LRRC4C: variants seen among roughly 807,000 people sequenced by gnomAD.
LRRC4C encodes leucine-rich repeat-containing protein 4C.
Under a neutral mutation model 33.6 loss-of-function variants are expected in LRRC4C, and 5 were observed. The ratio of observed to expected loss-of-function variants is 0.15; its 90% CI spans 0.08 to 0.31. The LOEUF (loss-of-function observed/expected upper bound fraction) is 0.31, where lower values mean the gene tolerates loss of function less well. LRRC4C is among the 10% of genes least tolerant of loss of function. The probability of loss-of-function intolerance (pLI) is 1.00; values close to 1 mark genes in which losing one functional copy is unlikely to be tolerated. For synonymous variants in LRRC4C, 329 were observed against 302.0 expected (o/e 1.09, Z -0.93); for missense variants, 560 against 796.7 (o/e 0.70, Z 3.58).
intron 5 of LRRC4C, among the ~76,000 whole-genome samples, chr11:40,191,471 C>A (rs571526611): frequency 5.0e-4 from 76 of 152,276 alleles, no homozygotes; most frequent in African/African-American, 1.8e-3. Flanking sequence ...ATGATTGTGG[C>A]AATTCCCATT....
At chr11:41,408,760 A>AAAAACAAAC (rs1555167149) in intron 1 of LRRC4C, among the ~76,000 whole-genome samples, 2 of 151,256 alleles carry the variant, frequency 1.3e-5, no homozygotes, top group African/African-American at 4.9e-5. Context: ...AAAAAAAAAA[A>AAAAACAAAC]AAAAAAACTG....
At chr11:41,112,935 T>C (rs1427821635) in intron 1 of LRRC4C, among the ~76,000 whole-genome samples, 2 of 152,086 alleles carry the variant, frequency 1.3e-5, no homozygotes, top group Non-Finnish European at 2.9e-5. Context: ...AATTTGTGTG[T>C]ATGACTGTGC....
chr11:40,222,302 C>T (rs1044291250), intron 5 of LRRC4C, among the ~76,000 whole-genome samples: 1 of 152,222 alleles, frequency 6.6e-6, no homozygotes, highest in East Asian at 1.9e-4. Flanking sequence ...CTGTTTTGAG[C>T]CCCCATGTAT....
intron 1 of LRRC4C, among the ~76,000 whole-genome samples, chr11:40,950,618 A>G (rs969834707): frequency 6.6e-6 from 1 of 152,068 alleles, no homozygotes; most frequent in African/African-American, 2.4e-5. Flanking sequence ...GCTATAAATT[A>G]TTTATTTCTA....
At chr11:40,547,983 AC>A (rs1413964066) in intron 3 of LRRC4C, among the ~76,000 whole-genome samples, 2 of 152,120 alleles carry the variant, frequency 1.3e-5, no homozygotes, top group Non-Finnish European at 2.9e-5. Context: ...CTTTTAATCT[AC>A]CAGAATGAGT....
intron 1 of LRRC4C, among the ~76,000 whole-genome samples, chr11:41,198,148 T>C (rs1158279274): frequency 6.6e-6 from 1 of 152,046 alleles, no homozygotes; most frequent in African/African-American, 2.4e-5. Flanking sequence ...ATTTTTGCTA[T>C]GGATAAATCT....
chr11:41,025,080 T>C (rs1484485900), intron 1 of LRRC4C, among the ~76,000 whole-genome samples: 1 of 151,612 alleles, frequency 6.6e-6, no homozygotes, highest in African/African-American at 2.4e-5. Context: ...TGTTCCCTTG[T>C]CTTTCTCCCT....
intron 2 of LRRC4C, among the ~76,000 whole-genome samples, chr11:40,685,678 A>T (rs1944917263): frequency 6.6e-6 from 1 of 152,174 alleles, no homozygotes; most frequent in African/African-American, 2.4e-5. Context: ...ATGAGGATAT[A>T]GGCTGAGATA....
At chr11:41,234,100 A>G (rs1947919391) in intron 1 of LRRC4C, among the ~76,000 whole-genome samples, 1 of 152,010 alleles carries the variant, frequency 6.6e-6, no homozygotes, top group African/African-American at 2.4e-5. Context: ...TCATTAATAT[A>G]TCTTAGGGCT....
At position 40,544,066 on chromosome 11, in the gene LRRC4C, C is replaced by T. The variant is rs1956824710; in HGVS notation, c.-270+104076G>A. Among the ~76,000 whole-genome samples, 7 of 152,000 alleles carry T rather than the reference C, an allele frequency of 4.6e-5. No homozygotes were observed. The South Asian group carries it at 1.5e-3, about 32-fold the overall frequency. On this transcript the variant is annotated intron_variant, in intron 3 of 6. Transcript: ENST00000528697. ...CTCAAGTTTATGCCTTTTCCTTAAGCAAACTTTGCCATACTATCTTTCCTA... is the reference window on the plus strand; with the variant it reads ...CTCAAGTTTATGCCTTTTCCTTAAGTAAACTTTGCCATACTATCTTTCCTA...
chr11:41,014,781 C>G (rs927548984), intron 1 of LRRC4C, among the ~76,000 whole-genome samples: 3 of 152,042 alleles, frequency 2.0e-5, no homozygotes, highest in African/African-American at 7.2e-5. Flanking sequence ...GGATCAGTCT[C>G]CTCGGTGGGA....
chr11:40,193,158 G>A (rs1861986813), intron 5 of LRRC4C, among the ~76,000 whole-genome samples: 1 of 152,174 alleles, frequency 6.6e-6, no homozygotes, highest in African/African-American at 2.4e-5. Context: ...CTCCTGATGG[G>A]GAGACACCTC....
At chr11:40,382,593 G>C (rs542384673) in intron 3 of LRRC4C, among the ~76,000 whole-genome samples, 2 of 150,890 alleles carry the variant, frequency 1.3e-5, no homozygotes, top group Non-Finnish European at 2.9e-5. Context: ...TTTAAAGTAC[G>C]CAAGTATTAA....
intron 3 of LRRC4C, among the ~76,000 whole-genome samples, chr11:40,629,764 C>T (rs1849447203): frequency 1.3e-5 from 2 of 152,132 alleles, no homozygotes; most frequent in Admixed American, 1.3e-4. Context: ...CTGCTCACAG[C>T]ATTTTAAATG....
At chr11:41,082,423 C>A in intron 1 of LRRC4C, among the ~76,000 whole-genome samples, 1 of 135,526 alleles carries the variant, frequency 7.4e-6, no homozygotes. Context: ...ACTCAAATCT[C>A]ACGCTTTTTT....
intron 2 of LRRC4C, among the ~76,000 whole-genome samples, chr11:40,767,958 A>G (rs1249774869): frequency 6.6e-6 from 1 of 151,740 alleles, no homozygotes; most frequent in Non-Finnish European, 1.5e-5. Flanking sequence ...CTTCTTGTAG[A>G]AAAAAAAGAA....
chr11:40,978,437 A>G (rs993371750), intron 1 of LRRC4C, among the ~76,000 whole-genome samples: 4 of 152,142 alleles, frequency 2.6e-5, no homozygotes, highest in African/African-American at 9.7e-5. Flanking sequence ...GACAATTTTG[A>G]TTGTCATAAA....
chr11:40,341,275 A>G (rs941974581), intron 3 of LRRC4C, among the ~76,000 whole-genome samples: 4 of 152,150 alleles, frequency 2.6e-5, no homozygotes, highest in African/African-American at 9.7e-5. Context: ...ATGGCTGCAT[A>G]GTATTCCATG....
At chr11:40,232,069 T>C (rs1211968734) in intron 5 of LRRC4C, among the ~76,000 whole-genome samples, 1 of 152,160 alleles carries the variant, frequency 6.6e-6, no homozygotes, top group African/African-American at 2.4e-5. Flanking sequence ...TGCAGTGGCA[T>C]GATCTGGGCT....
Sources: gnomAD v4.1 joint callset for allele counts (sites outside exome capture counted in the v4.1 genomes callset) on GRCh38, gnomAD v4.1.1 for gene constraint, MANE v1.5 for transcripts, NCBI Gene and HGNC (gene_info 2026-07-23, HGNC 2026-07-21) for gene names.